IMPG1: variants seen among roughly 807,000 people sequenced by gnomAD.
IMPG1 encodes the protein interphotoreceptor matrix proteoglycan 1.
IMPG1 carries 85 observed loss-of-function variants against 92.0 expected under a neutral mutation model. The ratio of observed to expected loss-of-function variants is 0.92; its 90% CI spans 0.78 to 1.11. The LOEUF (loss-of-function observed/expected upper bound fraction) is 1.11. Ranked by LOEUF, IMPG1 falls within the 50% of genes least tolerant of loss-of-function variation. IMPG1 has a pLI of 0.00. For missense variants in IMPG1, 1,022 were observed against 956.0 expected, an observed-to-expected ratio of 1.07 and a Z score of -0.91; for synonymous variants, 367 against 334.1, an observed-to-expected ratio of 1.10 and a Z score of -1.08.
chr6:76,045,970 C>G (rs193052798), intron 1 of IMPG1, among the ~76,000 whole-genome samples: 1 of 151,946 alleles, frequency 6.6e-6, no homozygotes, highest in African/African-American at 2.4e-5. Flanking sequence ...TTTTTTGAGG[C>G]AGGAAATCTC....
intron 2 of IMPG1, among the ~76,000 whole-genome samples, chr6:76,040,371 C>G (rs1482862610): frequency 6.6e-6 from 1 of 152,166 alleles, no homozygotes; most frequent in East Asian, 1.9e-4. Flanking sequence ...GGAATAGTTG[C>G]ATTCATATTC....
chr6:75,962,988 C>A (rs546901634), intron 12 of IMPG1, among the ~76,000 whole-genome samples: 1 of 151,932 alleles, frequency 6.6e-6, no homozygotes, highest in East Asian at 1.9e-4. Flanking sequence ...CTGCGGTGAG[C>A]CAAGATTGCC....
At chr6:75,999,394 G>A (rs1782949699) in intron 12 of IMPG1, among the ~76,000 whole-genome samples, 1 of 152,168 alleles carries the variant, frequency 6.6e-6, no homozygotes, top group African/African-American at 2.4e-5. Context: ...CCTGGTGGGT[G>A]TTTGGTGACA....
At chr6:75,998,591 G>T (rs1242678449) in intron 12 of IMPG1, among the ~76,000 whole-genome samples, 1 of 152,192 alleles carries the variant, frequency 6.6e-6, no homozygotes, top group Non-Finnish European at 1.5e-5. Context: ...AAGAGACCTG[G>T]TTTCTGTCTT....
At chr6:75,974,393 T>TCCTTCCTTGC (rs1562354842) in intron 12 of IMPG1, among the ~76,000 whole-genome samples, 4 of 65,032 alleles carry the variant, frequency 6.2e-5, no homozygotes, top group African/African-American at 1.2e-4. Context: ...CTTTCTTTCT[T>TCCTTCCTTGC]TTCTTTCTTT....
Position 76,025,311 on chromosome 6 carries a change from A to C in IMPG1, c.498-53T>G, listed in dbSNP as rs951900481. The stretch of plus-strand genomic sequence containing the variant: ...AGGTGGTGAAAGAGAACTTGATGAC[A>C]GTAGAGAACATACATTTAAATTTCT... On this transcript the variant is annotated intron_variant, in intron 4 of 16. Coordinates refer to ENST00000369950, the MANE Select transcript of IMPG1 (RefSeq NM_001563.4). 5 of 946,746 alleles carry C rather than the reference A, an allele frequency of 5.3e-6. No individual in the cohort carries two copies. The African/African-American group carries it at 8.2e-5, about 16-fold the overall frequency. 58.6% of individuals were successfully genotyped at this position (946,746 alleles called of 1,614,324 possible).
chr6:75,964,727 A>G (rs1782276388), intron 12 of IMPG1, among the ~76,000 whole-genome samples: 1 of 151,570 alleles, frequency 6.6e-6, no homozygotes, highest in Admixed American at 6.6e-5. Flanking sequence ...TAATATAGAG[A>G]GAATTTGCAT....
rs998296414 is a variant in IMPG1, at chr6:76,022,167, G to A, written c.615C>T (p.Leu205=). The change falls in exon 6 of 17, where the codon CTC becomes CTT. Residue 205 remains leucine, a synonymous_variant. Coordinates refer to ENST00000369950, the MANE Select transcript of IMPG1 (RefSeq NM_001563.4). ...GPFPLTPDDT[L]LNEILDNTLN... ...GTGTATTATCGAGAATTTCATTGAG[G>A]AGGGTGTCATCAGGAGTGAGAGGGA... 1 of 1,598,814 alleles carries A rather than the reference G, an allele frequency of 6.3e-7. No individual in the cohort carries two copies. The highest frequency in any genetic ancestry group is 1.3e-5 in the African/African-American group (1 of 74,450).
At chr6:76,046,211 A>G (rs1478327111) in intron 1 of IMPG1, among the ~76,000 whole-genome samples, 1 of 152,142 alleles carries the variant, frequency 6.6e-6, no homozygotes, top group Non-Finnish European at 1.5e-5. Flanking sequence ...TTCCAGAAAC[A>G]CTTCCTTATA....
intron 5 of IMPG1, chr6:76,024,891 T>C (rs1442652674): frequency 2.2e-6 from 1 of 444,666 alleles, no homozygotes; most frequent in South Asian, 1.7e-5. Flanking sequence ...TCTAAGTAAA[T>C]ATGGTCTCAG....
intron 1 of IMPG1, among the ~76,000 whole-genome samples, chr6:76,060,236 A>C (rs569315955): frequency 6.6e-6 from 1 of 152,348 alleles, no homozygotes; most frequent in East Asian, 1.9e-4. Flanking sequence ...GAATGAGTGA[A>C]TGTAAATGGG....
At chr6:75,984,739 G>T (rs1782685677) in intron 12 of IMPG1, among the ~76,000 whole-genome samples, 1 of 152,154 alleles carries the variant, frequency 6.6e-6, no homozygotes, top group African/African-American at 2.4e-5. Flanking sequence ...TGGATCATGG[G>T]GACAGATCCT....
intron 15 of IMPG1, among the ~76,000 whole-genome samples, chr6:75,929,236 A>G (rs1346444837): frequency 1.3e-5 from 2 of 152,170 alleles, no homozygotes; most frequent in Non-Finnish European, 2.9e-5. Context: ...TGATGGATCT[A>G]GCTTTCCTCC....
At chr6:75,985,305 G>C (rs895894781) in intron 12 of IMPG1, among the ~76,000 whole-genome samples, 2 of 152,180 alleles carry the variant, frequency 1.3e-5, no homozygotes, top group Non-Finnish European at 2.9e-5. Context: ...TGCTGCCCCT[G>C]GCAGAGAGGA....
chr6:75,979,814 G>A (rs936114783), intron 12 of IMPG1, among the ~76,000 whole-genome samples: 2 of 152,148 alleles, frequency 1.3e-5, no homozygotes, highest in African/African-American at 2.4e-5. Flanking sequence ...CAACAAAAGA[G>A]TAACTGTATT....
At chr6:75,991,395 A>AT (rs1241547080) in intron 12 of IMPG1, among the ~76,000 whole-genome samples, 1 of 150,000 alleles carries the variant, frequency 6.7e-6, no homozygotes, top group African/African-American at 2.5e-5. Flanking sequence ...TGCCTTGGAA[A>AT]TAAAAAAAAA....
chr6:76,039,356 G>GTT lies in IMPG1; in HGVS notation c.301+2535_301+2536dup, dbSNP rs34625575. 6.7e-4 allele frequency among the ~76,000 whole-genome samples: 89 copies of GTT among 133,538 alleles called. 1 individual carries two copies. The highest frequency in any genetic ancestry group is 2.2e-3 in the African/African-American group (79 of 36,660). The allele number at this position is 133,538 out of a possible 152,430, so 87.6% of individuals were successfully genotyped here. A position where few individuals can be genotyped will look rare whatever the true frequency, so the allele number is the denominator to read the frequency against. On this transcript the variant is annotated intron_variant, in intron 2 of 16. Coordinates refer to ENST00000369950, the MANE Select transcript of IMPG1 (RefSeq NM_001563.4). The stretch of plus-strand genomic sequence containing the variant: ...TTAAATGTGAAAGAAAGATCTAGCT[G>GTT]TTTTTTTTTTTTTTTTTGGGACGGA...
chr6:75,940,195 C>T (rs887383152), intron 14 of IMPG1, among the ~76,000 whole-genome samples: 1 of 152,146 alleles, frequency 6.6e-6, no homozygotes, highest in Non-Finnish European at 1.5e-5. Context: ...CACATTGCCC[C>T]TGGCCATTTT....
chr6:76,028,698 T>A (rs1046681105), intron 4 of IMPG1, among the ~76,000 whole-genome samples: 2 of 152,046 alleles, frequency 1.3e-5, no homozygotes, highest in African/African-American at 4.8e-5. Context: ...GGCATGGTGG[T>A]GGGTGCCTGT....
Sources: gnomAD v4.1 joint callset for allele counts (sites outside exome capture counted in the v4.1 genomes callset) on GRCh38, gnomAD v4.1.1 for gene constraint, MANE v1.5 for transcripts, NCBI Gene and HGNC (gene_info 2026-07-23, HGNC 2026-07-21) for gene names.